HSPG2: variants seen among roughly 807,000 people sequenced by gnomAD.
HSPG2 encodes the protein basement membrane-specific heparan sulfate proteoglycan core protein.
In HSPG2, 278 loss-of-function variants were observed where a neutral mutation model predicts 526.6. That is an observed-to-expected ratio of 0.53 (90% CI 0.48 to 0.58). HSPG2 has a LOEUF of 0.58. HSPG2 is among the 20% of genes least tolerant of loss of function. The pLI, the probability that HSPG2 is intolerant of heterozygous loss-of-function variation, is 0.00. For missense variants in HSPG2, 5,354 were observed against 6,099.5 expected, an observed-to-expected ratio of 0.88 and a Z score of 4.07; for synonymous variants, 2,465 against 2,555.4, an observed-to-expected ratio of 0.96 and a Z score of 1.07.
intron 52 of HSPG2, 31 bp downstream of exon 52, chr1:21,852,669 C>G (rs1420158458): frequency 6.2e-7 from 1 of 1,612,532 alleles, no homozygotes. Flanking sequence ...TCTGCCTCCT[C>G]CAGCTTTCCA....
rs533472068 is a variant in HSPG2, at chr1:21,894,880, C to T, written c.244+1042G>A. Among the ~76,000 whole-genome samples, 71 of 151,676 alleles carry T rather than the reference C, an allele frequency of 4.7e-4. No homozygotes were observed. The East Asian group carries it at 0.012, about 25-fold the overall frequency. On this transcript the variant is annotated intron_variant, in intron 3 of 96. Coordinates refer to ENST00000374695, the MANE Select transcript of HSPG2 (RefSeq NM_005529.7). Reference sequence around the variant, plus strand: ...CCAGCTCCCAGGCATCCTGCAGCCTCGTGGAGACCTACACATGGAAATGGA... The same window carrying T: ...CCAGCTCCCAGGCATCCTGCAGCCTTGTGGAGACCTACACATGGAAATGGA...
chr1:21,829,238 A>T (rs2097991162), intron 87 of HSPG2, 145 bp downstream of exon 87: 18 of 1,352,408 alleles, frequency 1.3e-5, no homozygotes, highest in African/African-American at 1.4e-5. Context: ...GATTGGCCTC[A>T]AGTGACACAG....
rs369731617 is a variant in HSPG2 at position 21,865,804 on chromosome 1, C to T, written c.4227G>A (p.Ala1409=). ...LPETYQGDKV[A]AYGGKLRYTL... is the part of the protein sequence containing the mutation. ...TGTATCGCAACTTCCCACCGTAGGC[C>T]GCCACCTGCAAAGAGGCAAGCCCAG... Residue 1409 remains alanine (A), a synonymous_variant, in exon 34 of 97, where the codon GCG becomes GCA. Transcript: ENST00000374695. This position sits in a 1 kb window ranked among gnomAD's most constrained non-coding sequence, Gnocchi z 5.4. 8.0e-5 allele frequency: 129 copies of T among 1,613,310 alleles called. No individual in the cohort carries two copies. The highest frequency in any genetic ancestry group is 1.0e-4 in the Admixed American group (6 of 59,998).
rs1178802446 is a variant in HSPG2 at position 21,827,875 on chromosome 1, T to C, written c.12577A>G (p.Ser4193Gly). The change falls in exon 91 of 97, where the codon AGC becomes GGC. Residue 4193 changes from serine to glycine, a missense_variant. By Grantham distance (56) the Ser-to-Gly change is moderately conservative (BLOSUM62 0). Transcript: ENST00000374695. Reference protein sequence around the residue: ...IAESDWHLEGSGGNDAPGQYG... With the variant: ...IAESDWHLEGGGGNDAPGQYG... ...GGCAAGTACTCACCATTGCCCCCGC[T>C]GCCTTCAAGATGCCAGTCGGACTCT... is the stretch of plus-strand genomic sequence containing the variant. The C allele has an allele frequency of 6.3e-7, 1 of 1,588,466 alleles. No individual in the cohort carries two copies. The highest frequency in any genetic ancestry group is 8.6e-7 in the Non-Finnish European group (1 of 1,167,450).
intron 1 of HSPG2, among the ~76,000 whole-genome samples, chr1:21,930,132 C>A (rs910322103): frequency 6.6e-6 from 1 of 152,180 alleles, no homozygotes; most frequent in Non-Finnish European, 1.5e-5. Flanking sequence ...GCCCCACGGG[C>A]CTCCTTGCTT....
chr1:21,874,850 T>G, intron 26 of HSPG2, 41 bp downstream of exon 26: 1 of 1,556,042 alleles, frequency 6.4e-7, no homozygotes, highest in Non-Finnish European at 8.8e-7. Context: ...GGAAGCACCA[T>G]GGAGGGGGCT....
chr1:21,861,665 A>C (rs578189894), intron 39 of HSPG2, 92 bp downstream of exon 39: 1 of 1,181,608 alleles, frequency 8.5e-7, no homozygotes, highest in East Asian at 2.5e-5. Flanking sequence ...TAATCCTAGA[A>C]GAGACTTTTC....
intron 1 of HSPG2, among the ~76,000 whole-genome samples, chr1:21,921,932 A>G (rs780211425): frequency 6.6e-6 from 1 of 152,150 alleles, no homozygotes; most frequent in Non-Finnish European, 1.5e-5. Flanking sequence ...TGAAGATCCC[A>G]TAAGAAAAGA....
Position 21,922,733 on chromosome 1 carries a change from A to G in HSPG2, c.63+14422T>C, listed in dbSNP as rs577322883. On this transcript the variant is annotated intron_variant, in intron 1 of 96. Coordinates refer to ENST00000374695, the MANE Select transcript of HSPG2 (RefSeq NM_005529.7). ...CTAAAACCCCCCTGCCTAGGAGGCC[A>G]CAGTCCTCCCAGCTAGAGAATTCCC... Among the ~76,000 whole-genome samples the G allele has an allele frequency of 1.7e-3, 253 of 152,286 alleles. 1 individual carries two copies. Among genetic ancestry groups the G allele is most frequent in the Non-Finnish European group, 5.0e-4 (34 of 68,014 alleles).
chr1:21,885,282 G>C, intron 10 of HSPG2, 38 bp downstream of exon 10: 1 of 1,613,518 alleles, frequency 6.2e-7, no homozygotes, highest in Non-Finnish European at 8.5e-7. Flanking sequence ...CTAGAACCCA[G>C]CCCAGGGCCC....
intron 80 of HSPG2, chr1:21,833,027 C>T (rs552543686): frequency 1.0e-4 from 60 of 591,718 alleles, no homozygotes; most frequent in Non-Finnish European, 1.5e-4. Context: ...GGTGATGCCC[C>T]GGTGGCAGAG....
At position 21,831,473 on chromosome 1, in the gene HSPG2, G is replaced by A. The variant is rs562275583; in HGVS notation, c.11442C>T (p.Ser3814=). The change falls in exon 83 of 97, where the codon AGC becomes AGT. Residue 3814 remains serine (S), a synonymous_variant. Transcript: ENST00000374695. ...YGAIPKAGLS[S]GFIGCVRELR... ...GGGGAGGGGGCTCACCTATGAAGCC[G>A]CTGCTCAGCCCCGCCTTGGGGATGG... is the stretch of plus-strand genomic sequence containing the variant. 69 of 1,613,950 alleles carry A rather than the reference G, an allele frequency of 4.3e-5. 2 individuals carry two copies. In the South Asian group the frequency reaches 7.0e-4, roughly 16 times the overall value.
At chr1:21,882,872 AC>A (rs1360294745) in intron 13 of HSPG2, among the ~76,000 whole-genome samples, 1 of 151,538 alleles carries the variant, frequency 6.6e-6, no homozygotes, top group Non-Finnish European at 1.5e-5. Context: ...TCCTGAATTA[AC>A]CCCCTGCAAC....
chr1:21,877,977 T>C (rs1641211516), intron 21 of HSPG2, among the ~76,000 whole-genome samples: 1 of 152,236 alleles, frequency 6.6e-6, no homozygotes, highest in Non-Finnish European at 1.5e-5. Context: ...ACTTGAACTG[T>C]GGTCACCTGA....
intron 55 of HSPG2, among the ~76,000 whole-genome samples, chr1:21,850,972 T>C (rs954173852): frequency 6.9e-6 from 1 of 144,338 alleles, no homozygotes; most frequent in Middle Eastern, 3.3e-3. Flanking sequence ...TTCTGTGAGG[T>C]ACTTTTTTTT....
At chr1:21,875,818 A>C (rs957477560) in intron 24 of HSPG2, 45 bp downstream of exon 24, 1 of 1,607,426 alleles carries the variant, frequency 6.2e-7, no homozygotes, top group African/African-American at 1.3e-5. Flanking sequence ...AGGCAGGAGC[A>C]AGGGCCTGCC....
rs570953238 is a variant in HSPG2, at chr1:21,823,252, A to G, written c.*64T>C. 30 of 1,321,070 alleles carry G rather than the reference A, an allele frequency of 2.3e-5. 1 individual carries two copies. The highest frequency in any genetic ancestry group is 2.1e-4 in the African/African-American group (14 of 67,414). The allele number at this position is 1,321,070 out of a possible 1,614,324, so 81.8% of individuals were successfully genotyped here. A position where few individuals can be genotyped will look rare whatever the true frequency, so the allele number is the denominator to read the frequency against. On this transcript the variant is annotated 3_prime_UTR_variant, in exon 97 of 97. Coordinates refer to ENST00000374695, the MANE Select transcript of HSPG2 (RefSeq NM_005529.7). ...ACAAAAATTCATAATAATATTAATA[A>G]TAATATACTCGACATTGTCGGGCTG... is the stretch of plus-strand genomic sequence containing the variant.
In HSPG2 at chr1:21,890,756, G is replaced by A. The variant is rs963736154; in HGVS notation, c.245-62C>T. 24 of 1,282,108 alleles carry A rather than the reference G, an allele frequency of 1.9e-5. No homozygotes were observed. The African/African-American group carries it at 3.5e-4, about 19-fold the overall frequency. The allele number at this position is 1,282,108 out of a possible 1,614,324, so 79.4% of individuals were successfully genotyped here. Reference sequence around the variant, plus strand: ...GCCTGGCATCTAGTGGCCTTAGGCAGTTGGACCATTCAGGCAGAGTTGGGG... The same window carrying A: ...GCCTGGCATCTAGTGGCCTTAGGCAATTGGACCATTCAGGCAGAGTTGGGG... On this transcript the variant is annotated intron_variant, in intron 3 of 96. Transcript: ENST00000374695. This position sits in a 1 kb window ranked among gnomAD's most constrained non-coding sequence, Gnocchi z 4.1.
At chr1:21,849,526 G>A (rs1378099807) in intron 57 of HSPG2, among the ~76,000 whole-genome samples, 1 of 152,168 alleles carries the variant, frequency 6.6e-6, no homozygotes, top group African/African-American at 2.4e-5. Flanking sequence ...CATCTACAAT[G>A]AATAACCTTA....
Sources: gnomAD v4.1 joint callset for allele counts (sites outside exome capture counted in the v4.1 genomes callset) on GRCh38, gnomAD v4.1.1 for gene constraint, Gnocchi (gnomAD v3.1) non-coding constraint, MANE v1.5 for transcripts, NCBI Gene and HGNC (gene_info 2026-07-23, HGNC 2026-07-21) for gene names.